The following SKAP1 variants were observed in gnomAD, a reference collection of about 807,000 sequenced individuals.
SKAP1 encodes src kinase-associated phosphoprotein 1.
SKAP1 carries 44 observed loss-of-function variants against 58.5 expected under a neutral mutation model. That is an observed-to-expected ratio of 0.75 (90% CI 0.59 to 0.97). The LOEUF (loss-of-function observed/expected upper bound fraction) is 0.97. Ranked by LOEUF, SKAP1 falls within the 50% of genes least tolerant of loss-of-function variation. The pLI is 0.00. For synonymous variants in SKAP1, 127 were observed against 149.7 expected, an observed-to-expected ratio of 0.85 and a Z score of 1.11; for missense variants, 390 against 435.2, an observed-to-expected ratio of 0.90 and a Z score of 0.92.
intron 11 of SKAP1, among the ~76,000 whole-genome samples, chr17:48,153,207 A>C (rs1431615075): frequency 1.3e-5 from 2 of 152,206 alleles, no homozygotes. Context: ...CAGGGTTTGC[A>C]GGATGGGTTG....
At chr17:48,289,832 G>A (rs1357753950) in intron 4 of SKAP1, among the ~76,000 whole-genome samples, 4 of 151,756 alleles carry the variant, frequency 2.6e-5, no homozygotes, top group Admixed American at 2.6e-4. Context: ...TGAAGACTAC[G>A]TCATATTACA....
chr17:48,326,386 A>G (rs2066437276), intron 4 of SKAP1, among the ~76,000 whole-genome samples: 1 of 152,250 alleles, frequency 6.6e-6, no homozygotes, highest in Non-Finnish European at 1.5e-5. Context: ...AAAAGAAACT[A>G]TAGAGCTTGT....
At chr17:48,436,954 A>G in the SKAP1 span, among the ~76,000 whole-genome samples, 3,715 of 152,148 alleles carry the variant, frequency 0.024, 136 homozygotes, top group African/African-American at 0.082. Context: ...CTTTCTGTCC[A>G]TCTTAACTGT....
chr17:48,198,178 G>A (rs1481089285), intron 4 of SKAP1, among the ~76,000 whole-genome samples: 1 of 152,020 alleles, frequency 6.6e-6, no homozygotes, highest in South Asian at 2.1e-4. Flanking sequence ...GGTTTTGGCC[G>A]GGCGCGGTGG....
intron 4 of SKAP1, among the ~76,000 whole-genome samples, chr17:48,311,061 C>T (rs1264249868): frequency 6.6e-6 from 1 of 152,122 alleles, no homozygotes; most frequent in Admixed American, 6.5e-5. Context: ...TGAGTAAATG[C>T]ATGTGCACGG....
At chr17:48,286,433 C>G (rs755574654) in intron 4 of SKAP1, among the ~76,000 whole-genome samples, 1 of 152,130 alleles carries the variant, frequency 6.6e-6, no homozygotes, top group Non-Finnish European at 1.5e-5. Flanking sequence ...TATGTAATTC[C>G]TCAAACTTAA....
chr17:48,196,943 G>T (rs2064640534), intron 4 of SKAP1, among the ~76,000 whole-genome samples: 1 of 152,192 alleles, frequency 6.6e-6, no homozygotes, highest in South Asian at 2.1e-4. Context: ...CTATAAGAGG[G>T]CACAGCCAGA....
At chr17:48,306,219 A>G (rs888039329) in intron 4 of SKAP1, among the ~76,000 whole-genome samples, 2 of 152,230 alleles carry the variant, frequency 1.3e-5, no homozygotes, top group Non-Finnish European at 2.9e-5. Context: ...TTAGTCCATG[A>G]GCATTCAAAG....
chr17:48,424,627 C>T (rs1024338790), intron 1 of SKAP1, among the ~76,000 whole-genome samples: 2 of 151,792 alleles, frequency 1.3e-5, no homozygotes, highest in Non-Finnish European at 2.9e-5. Flanking sequence ...AGAGCATAGC[C>T]GTGATCTAAG....
chr17:48,362,585 A>C (rs1031539082), intron 3 of SKAP1, among the ~76,000 whole-genome samples: 1 of 152,264 alleles, frequency 6.6e-6, no homozygotes, highest in African/African-American at 2.4e-5. Context: ...TAAATGCTTT[A>C]GGACAGTGAG....
chr17:48,204,670 TGG>T (rs1399396474), intron 4 of SKAP1: 4 of 152,192 alleles, frequency 2.6e-5, no homozygotes, highest in Non-Finnish European at 2.9e-5. Context: ...ATCTGATCTT[TGG>T]CATTACCAGA....
At chr17:48,178,398 A>G (rs1222807456) in intron 9 of SKAP1, among the ~76,000 whole-genome samples, 1 of 152,152 alleles carries the variant, frequency 6.6e-6, no homozygotes, top group Non-Finnish European at 1.5e-5. Flanking sequence ...AAGCCTGGGC[A>G]GGAGTGAGCA....
At chr17:48,197,276 A>G (rs2064648496) in intron 4 of SKAP1, among the ~76,000 whole-genome samples, 1 of 149,844 alleles carries the variant, frequency 6.7e-6, no homozygotes, top group Admixed American at 6.6e-5. Context: ...AAAAAAAAAA[A>G]ATGCTGATTG....
chr17:48,188,843 A>G (rs2064495555), intron 5 of SKAP1, among the ~76,000 whole-genome samples: 1 of 152,176 alleles, frequency 6.6e-6, no homozygotes, highest in African/African-American at 2.4e-5. Flanking sequence ...TGCTAAAAAT[A>G]TGAAAAATTA....
In SKAP1 at chr17:48,384,114, AC is replaced by A. The variant is rs536945151; in HGVS notation, c.152+12565del. On this transcript the variant is annotated intron_variant, in intron 2 of 12. Coordinates refer to ENST00000336915, the MANE Select transcript of SKAP1 (RefSeq NM_003726.4). ...AACAGGGAGAGACTGGAGGCAGAGA[AC>A]CAGAAAGGAGAATTCTGCAGTGCTT... Among the ~76,000 whole-genome samples the A allele has an allele frequency of 3.3e-5, 5 of 152,322 alleles. No individual in the cohort carries two copies. In the South Asian group the frequency reaches 1.0e-3, roughly 32 times the overall value.
At chr17:48,241,063 C>A (rs1303556737) in intron 4 of SKAP1, among the ~76,000 whole-genome samples, 1 of 152,028 alleles carries the variant, frequency 6.6e-6, no homozygotes, top group African/African-American at 2.4e-5. Flanking sequence ...GCATTAGTTC[C>A]ACCTTATATA....
intron 4 of SKAP1, among the ~76,000 whole-genome samples, chr17:48,315,734 G>C (rs1406284123): frequency 6.6e-6 from 1 of 152,124 alleles, no homozygotes; most frequent in Admixed American, 6.5e-5. Flanking sequence ...CACTGATATG[G>C]TGCCACAAGT....
At chr17:48,137,662 C>T (rs775511879) in intron 11 of SKAP1, among the ~76,000 whole-genome samples, 16 of 152,114 alleles carry the variant, frequency 1.1e-4, no homozygotes, top group Non-Finnish European at 2.1e-4. Context: ...ATTGCCAGAA[C>T]ACTACAGATA....
chr17:48,303,425 T>C (rs1448743295), intron 4 of SKAP1, among the ~76,000 whole-genome samples: 1 of 152,240 alleles, frequency 6.6e-6, no homozygotes, highest in Non-Finnish European at 1.5e-5. Context: ...ATGCAATTCA[T>C]CAAATACTAC....
Sources: allele counts gnomAD v4.1 joint callset (sites outside exome capture counted in the v4.1 genomes callset), GRCh38; gene constraint gnomAD v4.1.1; transcripts MANE v1.5; gene names NCBI Gene and HGNC (gene_info 2026-07-23, HGNC 2026-07-21).